The following LRRC7 variants were observed in gnomAD, a reference collection of about 807,000 sequenced individuals.
LRRC7 encodes the protein leucine-rich repeat-containing protein 7.
LRRC7 carries 23 observed loss-of-function variants against 175.7 expected under a neutral mutation model. That is an observed-to-expected ratio of 0.13 (90% confidence interval 0.09 to 0.19). The LOEUF (loss-of-function observed/expected upper bound fraction) is 0.19, where lower values mean the gene tolerates loss of function less well. Among genes scored for constraint, LRRC7 ranks in the 10% least tolerant of loss-of-function variants. The pLI is 1.00. For synonymous variants in LRRC7, 685 were observed against 680.9 expected (o/e 1.01, Z -0.09); for missense variants, 1,354 against 1,904.7 (o/e 0.71, Z 5.38).
At chr1:69,704,671 TA>T (rs1490715902) in intron 2 of LRRC7, among the ~76,000 whole-genome samples, 1 of 152,064 alleles carries the variant, frequency 6.6e-6, no homozygotes. Context: ...ATAACTTTAT[TA>T]TTTCCAGACT....
intron 1 of LRRC7, among the ~76,000 whole-genome samples, chr1:69,642,307 T>C (rs1368100694): frequency 6.6e-6 from 1 of 152,002 alleles, no homozygotes; most frequent in Non-Finnish European, 1.5e-5. Flanking sequence ...TAACAAATCT[T>C]GCTTGAAATT....
intron 1 of LRRC7, among the ~76,000 whole-genome samples, chr1:69,611,666 A>C (rs947537434): frequency 6.6e-6 from 1 of 152,052 alleles, no homozygotes; most frequent in Admixed American, 6.6e-5. Context: ...TAACACACAC[A>C]TTGTCTCCAT....
chr1:69,829,450 T>A (rs929397019), intron 5 of LRRC7, among the ~76,000 whole-genome samples: 1 of 151,872 alleles, frequency 6.6e-6, no homozygotes. Context: ...TAAATATTTA[T>A]CTTTTCTTTA....
At chr1:69,604,759 G>C (rs1311460282) in intron 1 of LRRC7, among the ~76,000 whole-genome samples, 3 of 151,734 alleles carry the variant, frequency 2.0e-5, no homozygotes, top group Admixed American at 2.0e-4. Flanking sequence ...CATGTATTAG[G>C]GTGGCTCTAA....
chr1:69,954,992 G>C (rs1471355983), intron 8 of LRRC7, among the ~76,000 whole-genome samples: 1 of 151,998 alleles, frequency 6.6e-6, no homozygotes, highest in African/African-American at 2.4e-5. Flanking sequence ...AAGAAAGATT[G>C]ATTAGAATAA....
intron 2 of LRRC7, among the ~76,000 whole-genome samples, chr1:69,714,610 C>T (rs550276689): frequency 4.1e-4 from 62 of 152,154 alleles, no homozygotes; most frequent in African/African-American, 1.4e-3. Flanking sequence ...AAGGGCAGTC[C>T]TAGCGGGAGG....
chr1:69,590,890 G>A (rs1348015350), intron 1 of LRRC7, among the ~76,000 whole-genome samples: 2 of 151,978 alleles, frequency 1.3e-5, no homozygotes, highest in Non-Finnish European at 2.9e-5. Flanking sequence ...GAGAGGTAAG[G>A]ATTGAGAAAT....
chr1:69,848,836 T>G (rs1239616803), intron 7 of LRRC7, among the ~76,000 whole-genome samples: 3 of 152,098 alleles, frequency 2.0e-5, no homozygotes, highest in Non-Finnish European at 2.9e-5. Context: ...AAAATTCACA[T>G]AAGAAATTAA....
intron 4 of LRRC7, among the ~76,000 whole-genome samples, chr1:69,799,321 G>T (rs939014273): frequency 6.6e-6 from 1 of 151,894 alleles, no homozygotes; most frequent in African/African-American, 2.4e-5. Flanking sequence ...AATGTACATT[G>T]TACTCATTAA....
At chr1:69,796,401 T>C (rs1675771431) in intron 4 of LRRC7, among the ~76,000 whole-genome samples, 1 of 151,794 alleles carries the variant, frequency 6.6e-6, no homozygotes, top group Non-Finnish European at 1.5e-5. Context: ...ACACAAGGAA[T>C]CATATTATCT....
intron 11 of LRRC7, among the ~76,000 whole-genome samples, chr1:69,996,591 G>A (rs1317782205): frequency 6.6e-6 from 1 of 151,728 alleles, no homozygotes; most frequent in Admixed American, 6.6e-5. Flanking sequence ...TGTAAGGAAG[G>A]GATCCAGTTT....
rs1055547330 is a variant in LRRC7 at position 69,791,093 on chromosome 1, C to A, written c.304-950C>A. Among the ~76,000 whole-genome samples the A allele has an allele frequency of 3.3e-5, 5 of 151,902 alleles. No individual in the cohort carries two copies. In the East Asian group the frequency reaches 9.7e-4, roughly 29 times the overall value. On this transcript the variant is annotated intron_variant, in intron 3 of 26. Coordinates refer to ENST00000651989, the MANE Select transcript of LRRC7 (RefSeq NM_001370785.2). Reference sequence around the variant, plus strand: ...CCAGACTTCATCTGTGGAAATTCAGCAAAACAGAATTAGAAATGTCAAACA... The same window carrying A: ...CCAGACTTCATCTGTGGAAATTCAGAAAAACAGAATTAGAAATGTCAAACA...
chr1:69,911,005 TG>T (rs956389512), intron 7 of LRRC7, among the ~76,000 whole-genome samples: 12 of 152,204 alleles, frequency 7.9e-5, no homozygotes, highest in African/African-American at 2.9e-4. Context: ...CCGAGTCATG[TG>T]GGGGATATAA....
intron 4 of LRRC7, among the ~76,000 whole-genome samples, chr1:69,795,373 T>TC (rs922579478): frequency 2.6e-5 from 3 of 116,402 alleles, no homozygotes; most frequent in African/African-American, 9.7e-5. Context: ...AGACACCGTC[T>TC]CGAAAAAAAA....
At chr1:69,673,390 C>A (rs983285424) in intron 1 of LRRC7, among the ~76,000 whole-genome samples, 1 of 152,180 alleles carries the variant, frequency 6.6e-6, no homozygotes, top group African/African-American at 2.4e-5. Flanking sequence ...ACGTAGGCTG[C>A]ACTTTTTCAG....
chr1:69,755,018 C>T (rs901344061), intron 2 of LRRC7, among the ~76,000 whole-genome samples: 7 of 151,672 alleles, frequency 4.6e-5, no homozygotes, highest in East Asian at 1.9e-4. Context: ...AGTGACACCT[C>T]GAAAAACTGA....
At chr1:69,753,755 C>T (rs992668260) in intron 2 of LRRC7, among the ~76,000 whole-genome samples, 5 of 151,984 alleles carry the variant, frequency 3.3e-5, no homozygotes, top group African/African-American at 1.2e-4. Context: ...GGCATGCTCT[C>T]TAGCCTCATA....
At chr1:69,643,704 A>C (rs1157540826) in intron 1 of LRRC7, among the ~76,000 whole-genome samples, 2 of 152,102 alleles carry the variant, frequency 1.3e-5, no homozygotes, top group African/African-American at 4.8e-5. Context: ...TTTACTCATC[A>C]GGCTGAGGGA....
intron 3 of LRRC7, among the ~76,000 whole-genome samples, chr1:69,780,543 A>G (rs1381201042): frequency 6.6e-6 from 1 of 152,188 alleles, no homozygotes; most frequent in Non-Finnish European, 1.5e-5. Flanking sequence ...AAGCAGGGAA[A>G]GGAAGGGTAA....
Sources: allele counts gnomAD v4.1 joint callset (sites outside exome capture counted in the v4.1 genomes callset), GRCh38; gene constraint gnomAD v4.1.1; transcripts MANE v1.5; gene names NCBI Gene and HGNC (gene_info 2026-07-23, HGNC 2026-07-21).